The following NECTIN3 variants were observed in gnomAD, a reference collection of about 807,000 sequenced individuals.
The protein encoded by NECTIN3 is nectin cell adhesion molecule 3, also known as nectin-3.
In NECTIN3, 8 loss-of-function variants were observed where a neutral mutation model predicts 49.4. That is an observed-to-expected ratio of 0.16 (90% CI 0.10 to 0.29). NECTIN3 has a LOEUF of 0.29. Ranked by LOEUF, NECTIN3 falls within the 10% of genes least tolerant of loss-of-function variation. The probability of loss-of-function intolerance (pLI) is 1.00; values close to 1 mark genes in which losing one functional copy is unlikely to be tolerated. For missense variants in NECTIN3, 581 were observed against 654.6 expected (o/e 0.89, Z 1.23); for synonymous variants, 277 against 241.1 (o/e 1.15, Z -1.38).
intron 2 of NECTIN3, among the ~76,000 whole-genome samples, chr3:111,117,372 T>C (rs2033731404): frequency 6.6e-6 from 1 of 152,044 alleles, no homozygotes; most frequent in Admixed American, 6.6e-5. Context: ...TATAATAGTT[T>C]CACATTGAGG....
intron 1 of NECTIN3, chr3:111,072,654 A>G (rs2030867462): frequency 6.5e-6 from 9 of 1,376,866 alleles, no homozygotes; most frequent in Non-Finnish European, 8.9e-6. Flanking sequence ...TGGAGAAGGC[A>G]CCATTTTAGC....
At chr3:111,108,015 A>G (rs1327888885) in intron 1 of NECTIN3, among the ~76,000 whole-genome samples, 1 of 152,168 alleles carries the variant, frequency 6.6e-6, no homozygotes, top group Admixed American at 6.6e-5. Context: ...CGCTTTGGTG[A>G]AAGGTTTAAG....
downstream of NECTIN3, among the ~76,000 whole-genome samples, chr3:111,138,494 A>G (rs1279294058): frequency 6.6e-6 from 1 of 151,568 alleles, no homozygotes; most frequent in Non-Finnish European, 1.5e-5. Context: ...TTGACTTGAC[A>G]CTTTGACTTG....
downstream of NECTIN3, among the ~76,000 whole-genome samples, chr3:111,138,042 T>A (rs2034643792): frequency 6.6e-6 from 1 of 151,684 alleles, no homozygotes; most frequent in Non-Finnish European, 1.5e-5. Flanking sequence ...TTTTTGCTAT[T>A]ACTTTGGCAT....
rs7622115 is a variant in NECTIN3 at position 111,079,536 on chromosome 3, T to G, written c.160+7359T>G. 4.9e-3 allele frequency among the ~76,000 whole-genome samples: 748 copies of G among 152,020 alleles called. 2 individuals carry two copies. Among genetic ancestry groups the G allele is most frequent in the Non-Finnish European group, 8.9e-3 (602 of 67,924 alleles). On this transcript the variant is annotated intron_variant, in intron 1 of 5. Transcript: ENST00000485303. ...ACCTGCTTAGAGATACCATACCTAC[T>G]TTATTTTAAATGCAAAATAAAAAAG...
chr3:111,111,064 T>C (rs1287062875), intron 1 of NECTIN3, among the ~76,000 whole-genome samples: 1 of 152,148 alleles, frequency 6.6e-6, no homozygotes, highest in Non-Finnish European at 1.5e-5. Flanking sequence ...TTTTGAGTGC[T>C]TATTTTGGTT....
intron 1 of NECTIN3, 126 bp from the exon 2 acceptor site, chr3:111,111,903 GT>G: frequency 1.4e-3 from 3 of 2,216 alleles, no homozygotes; most frequent in Non-Finnish European, 7.8e-3. Context: ...GTGTGCATGT[GT>G]GTGTGTGTGT....
At chr3:111,124,625 A>G (rs1230543842) in intron 4 of NECTIN3, among the ~76,000 whole-genome samples, 4 of 152,236 alleles carry the variant, frequency 2.6e-5, no homozygotes, top group Non-Finnish European at 5.9e-5. Flanking sequence ...CCATGTAAGC[A>G]TATTATCTTT....
At chr3:111,137,678 AT>A (rs1266776097), downstream of NECTIN3, 1 of 197,502 alleles carries the variant, frequency 5.1e-6, no homozygotes, top group African/African-American at 2.4e-5. Flanking sequence ...GTAATTAATG[AT>A]TTGTGGGAAT....
chr3:111,094,181 C>CA (rs2032448540), intron 1 of NECTIN3, among the ~76,000 whole-genome samples: 1 of 150,206 alleles, frequency 6.7e-6, no homozygotes, highest in Non-Finnish European at 1.5e-5. Flanking sequence ...AAGGAAAAGA[C>CA]AAAACAAAAA....
chr3:111,145,842 T>C (rs910047291), intron 6 of NECTIN3, among the ~76,000 whole-genome samples: 1 of 152,354 alleles, frequency 6.6e-6, no homozygotes, highest in Non-Finnish European at 1.5e-5. Context: ...TCTGTCTTCA[T>C]AAATGCTTTG....
intron 1 of NECTIN3, among the ~76,000 whole-genome samples, chr3:111,080,319 CTTTATA>C (rs1344097150): frequency 3.9e-5 from 6 of 151,946 alleles, no homozygotes; most frequent in African/African-American, 1.4e-4. Context: ...GATATATTTT[CTTTATA>C]TTTATAGTTA....
intron 7 of NECTIN3, among the ~76,000 whole-genome samples, chr3:111,162,050 T>C (rs1159205891): frequency 3.3e-5 from 5 of 152,144 alleles, no homozygotes; most frequent in Admixed American, 6.5e-5. Context: ...CCTTCCATTC[T>C]GATCCCAACC....
At chr3:111,140,324 A>G (rs1225585168), downstream of NECTIN3, among the ~76,000 whole-genome samples, 1 of 151,464 alleles carries the variant, frequency 6.6e-6, no homozygotes, top group East Asian at 1.9e-4. Context: ...GTAAATGTAA[A>G]TATATTTTAA....
intron 5 of NECTIN3, among the ~76,000 whole-genome samples, chr3:111,131,529 G>A (rs1176429407): frequency 6.6e-6 from 1 of 151,962 alleles, no homozygotes; most frequent in Non-Finnish European, 1.5e-5. Flanking sequence ...TATTACTAGT[G>A]AGGCTCAGTT....
At chr3:111,087,467 A>T (rs1248595500) in intron 1 of NECTIN3, among the ~76,000 whole-genome samples, 2 of 152,086 alleles carry the variant, frequency 1.3e-5, no homozygotes, top group African/African-American at 4.8e-5. Context: ...AGCCTGGCCA[A>T]CATGGCAAAA....
At chr3:111,183,841 G>C (rs1363826398) in intron 7 of NECTIN3, among the ~76,000 whole-genome samples, 1 of 151,866 alleles carries the variant, frequency 6.6e-6, no homozygotes, top group African/African-American at 2.4e-5. Context: ...TGTTAGAGTG[G>C]CTTTCTTTAT....
chr3:111,085,674 T>A lies in NECTIN3; in HGVS notation c.160+13497T>A, dbSNP rs574074037. 5.1e-4 allele frequency among the ~76,000 whole-genome samples: 77 copies of A among 152,312 alleles called. 1 individual carries two copies. The highest frequency in any genetic ancestry group is 2.9e-3 in the South Asian group (14 of 4,826). ...TACTTCTTTGCTTACACTGTGAGATTCATCCATGTTGTTGCATGTAGCAGT... is the reference window on the plus strand; with the variant it reads ...TACTTCTTTGCTTACACTGTGAGATACATCCATGTTGTTGCATGTAGCAGT... On this transcript the variant is annotated intron_variant, in intron 1 of 5. Transcript: ENST00000485303.
chr3:111,115,095 G>A (rs1034297815), intron 2 of NECTIN3, among the ~76,000 whole-genome samples: 8 of 152,118 alleles, frequency 5.3e-5, no homozygotes, highest in Non-Finnish European at 2.9e-5. Context: ...GACAGCATCC[G>A]TGGCCTCTAA....
Sources: gnomAD v4.1 joint callset for allele counts (sites outside exome capture counted in the v4.1 genomes callset) on GRCh38, gnomAD v4.1.1 for gene constraint, MANE v1.5 for transcripts, NCBI Gene and HGNC (gene_info 2026-07-23, HGNC 2026-07-21) for gene names.